Variants in KIF26B observed in about 807,000 individuals in gnomAD.
KIF26B encodes the protein kinesin family member 26B.
KIF26B carries 63 observed loss-of-function variants against 151.2 expected under a neutral mutation model. The ratio of observed to expected loss-of-function variants is 0.42; its 90% confidence interval spans 0.34 to 0.51. The LOEUF is 0.51. KIF26B is among the 20% of genes least tolerant of loss of function. KIF26B has a pLI of 0.07. For synonymous variants in KIF26B, 1,357 were observed against 1,262.1 expected (o/e 1.08, Z -1.59); for missense variants, 2,813 against 2,913.6 (o/e 0.97, Z 0.79).
At position 245,572,134 on chromosome 1, in the gene KIF26B, T is replaced by G. The variant is rs1024287992; in HGVS notation, c.1351-30443T>G. ...TGCAAAGGCTACAAGACCAAGGGCTTGTGTACCTGCCCCAACAGAGACAGG... is the reference window on the plus strand; with the variant it reads ...TGCAAAGGCTACAAGACCAAGGGCTGGTGTACCTGCCCCAACAGAGACAGG... On this transcript the variant is annotated intron_variant, in intron 5 of 14. Coordinates refer to ENST00000407071, the MANE Select transcript of KIF26B (RefSeq NM_018012.4). This position sits in a 1 kb window ranked among gnomAD's most constrained non-coding sequence, Gnocchi z 4.2. Among the ~76,000 whole-genome samples the G allele has an allele frequency of 6.6e-6, 1 of 152,174 alleles. No homozygotes were observed. Among genetic ancestry groups the G allele is most frequent in the Non-Finnish European group, 1.5e-5 (1 of 68,038 alleles).
chr1:245,663,527 G>A (rs995905240), intron 10 of KIF26B, among the ~76,000 whole-genome samples: 5 of 151,800 alleles, frequency 3.3e-5, no homozygotes, highest in East Asian at 1.9e-4. Flanking sequence ...TCATGGTGCC[G>A]TGTTTCTTTG....
chr1:245,677,389 C>A (rs1417418124), intron 10 of KIF26B, among the ~76,000 whole-genome samples: 1 of 152,264 alleles, frequency 6.6e-6, no homozygotes, highest in Non-Finnish European at 1.5e-5. Context: ...AACTTGGCTT[C>A]TCTATCCCAC....
intron 5 of KIF26B, among the ~76,000 whole-genome samples, chr1:245,562,435 C>T (rs1471053575): frequency 1.3e-5 from 2 of 152,112 alleles, no homozygotes; most frequent in African/African-American, 4.8e-5. Flanking sequence ...GGTGACGGCA[C>T]ATCCTCACTC....
intron 2 of KIF26B, among the ~76,000 whole-genome samples, chr1:245,314,169 G>C: frequency 6.6e-6 from 1 of 152,042 alleles, no homozygotes; most frequent in East Asian, 1.9e-4. Flanking sequence ...ATATTCAGGC[G>C]GGGGGCGGTG....
At chr1:245,682,931 A>G (rs1004107285) in intron 10 of KIF26B, among the ~76,000 whole-genome samples, 8 of 149,664 alleles carry the variant, frequency 5.3e-5, no homozygotes, top group Non-Finnish European at 3.0e-5. Flanking sequence ...CTCCTCCTCT[A>G]TATCCCTTAC....
chr1:245,280,492 C>G (rs1480355849), intron 2 of KIF26B, among the ~76,000 whole-genome samples: 1 of 133,484 alleles, frequency 7.5e-6, no homozygotes, highest in Non-Finnish European at 1.5e-5. Flanking sequence ...GATCGCACCA[C>G]TGCACTCCAG....
intron 2 of KIF26B, among the ~76,000 whole-genome samples, chr1:245,182,763 G>A (rs535158840): frequency 1.3e-5 from 2 of 152,258 alleles, no homozygotes; most frequent in South Asian, 2.1e-4. Flanking sequence ...AGCCTCCCGA[G>A]TAGCTGGGAT....
At chr1:245,428,807 C>A (rs903810204) in intron 4 of KIF26B, among the ~76,000 whole-genome samples, 6 of 152,108 alleles carry the variant, frequency 3.9e-5, no homozygotes, top group African/African-American at 1.2e-4. Context: ...ATCATTTCCA[C>A]GGCTTTGCCT....
At chr1:245,549,050 C>G (rs939997413) in intron 5 of KIF26B, among the ~76,000 whole-genome samples, 7 of 152,162 alleles carry the variant, frequency 4.6e-5, no homozygotes, top group African/African-American at 1.7e-4. Flanking sequence ...CCCCATTTTG[C>G]AACTTTTGAT....
intron 2 of KIF26B, among the ~76,000 whole-genome samples, chr1:245,264,657 G>A (rs1334212340): frequency 2.0e-5 from 3 of 152,128 alleles, no homozygotes; most frequent in African/African-American, 7.2e-5. Context: ...CACTTTGGGA[G>A]GCTGAGACAG....
chr1:245,647,918 C>A (rs2043971365), intron 10 of KIF26B, among the ~76,000 whole-genome samples: 1 of 152,126 alleles, frequency 6.6e-6, no homozygotes, highest in Non-Finnish European at 1.5e-5. Context: ...CTTGTAACAA[C>A]CCTTTTCTAT....
At chr1:245,341,508 GAC>G (rs1173828644) in intron 2 of KIF26B, among the ~76,000 whole-genome samples, 1 of 151,802 alleles carries the variant, frequency 6.6e-6, no homozygotes, top group African/African-American at 2.4e-5. Flanking sequence ...TTTTTGTAGA[GAC>G]AAGATCTCAC....
chr1:245,158,989 A>G (rs1489695679), intron 2 of KIF26B, among the ~76,000 whole-genome samples: 1 of 152,182 alleles, frequency 6.6e-6, no homozygotes, highest in African/African-American at 2.4e-5. Context: ...GATGGAGGCC[A>G]TGTAACTTGG....
intron 3 of KIF26B, among the ~76,000 whole-genome samples, chr1:245,408,121 A>G (rs192900003): frequency 3.3e-5 from 5 of 152,302 alleles, no homozygotes; most frequent in African/African-American, 1.2e-4. Context: ...CCTGACCCTG[A>G]CATCAGGGTT....
chr1:245,267,328 T>C (rs550663755), intron 2 of KIF26B, among the ~76,000 whole-genome samples: 1 of 152,304 alleles, frequency 6.6e-6, no homozygotes, highest in Admixed American at 6.5e-5. Flanking sequence ...GGATGTGTTT[T>C]TTCTTTATTA....
At chr1:245,626,209 T>C (rs1427385077) in intron 9 of KIF26B, among the ~76,000 whole-genome samples, 1 of 152,206 alleles carries the variant, frequency 6.6e-6, no homozygotes, top group East Asian at 1.9e-4. Context: ...AGGTATCCCT[T>C]TGATATACTG....
chr1:245,361,672 C>T (rs1444890538), intron 2 of KIF26B, among the ~76,000 whole-genome samples: 2 of 152,170 alleles, frequency 1.3e-5, no homozygotes, highest in Non-Finnish European at 2.9e-5. Flanking sequence ...GGTGCACCTG[C>T]GATCTCAGGG....
At chr1:245,161,013 C>T (rs899222372) in intron 2 of KIF26B, among the ~76,000 whole-genome samples, 11 of 152,148 alleles carry the variant, frequency 7.2e-5, no homozygotes, top group African/African-American at 1.7e-4. Flanking sequence ...CATTGCATTT[C>T]GAGTACTTAT....
At chr1:245,580,471 G>C (rs1365775015) in intron 5 of KIF26B, among the ~76,000 whole-genome samples, 1 of 152,240 alleles carries the variant, frequency 6.6e-6, no homozygotes, top group African/African-American at 2.4e-5. Flanking sequence ...AGATAGACCA[G>C]GGCTAGTCAT....
Sources: gnomAD v4.1 joint callset for allele counts (sites outside exome capture counted in the v4.1 genomes callset) on GRCh38, gnomAD v4.1.1 for gene constraint, Gnocchi (gnomAD v3.1) non-coding constraint, MANE v1.5 for transcripts, NCBI Gene and HGNC (gene_info 2026-07-23, HGNC 2026-07-21) for gene names.